ATP5PF: variants seen among roughly 807,000 people sequenced by gnomAD.
The protein encoded by ATP5PF is ATP synthase peripheral stalk subunit F6.
Under a neutral mutation model 12.0 loss-of-function variants are expected in ATP5PF, and 7 were observed. The observed-to-expected ratio is 0.58, with a 90% CI of 0.33 to 1.10. The LOEUF (loss-of-function observed/expected upper bound fraction) is 1.10. Ranked by LOEUF, ATP5PF falls within the 50% of genes least tolerant of loss-of-function variation. The pLI, the probability that ATP5PF is intolerant of heterozygous loss-of-function variation, is 0.03. For synonymous variants in ATP5PF, 41 were observed against 45.4 expected (o/e 0.90, Z 0.39); for missense variants, 120 against 127.7 (o/e 0.94, Z 0.29).
intron 1 of ATP5PF, among the ~76,000 whole-genome samples, chr21:25,733,004 A>G (rs1434713463): frequency 3.3e-5 from 5 of 151,118 alleles, no homozygotes; most frequent in Non-Finnish European, 7.4e-5. Flanking sequence ...AAAAAAAAAA[A>G]AAAAAAAAGA....
chr21:25,735,635 C>T (rs1041020543), upstream of ATP5PF: 10 of 152,304 alleles, frequency 6.6e-5, no homozygotes, highest in African/African-American at 2.4e-4. Context: ...CGGCCTCGTT[C>T]CGGGGCCTTT....
At chr21:25,725,179 C>A in intron 3 of ATP5PF, 47 bp downstream of exon 3, 1 of 1,569,660 alleles carries the variant, frequency 6.4e-7, no homozygotes, top group South Asian at 1.2e-5. Flanking sequence ...TGTAAATATT[C>A]TTCACTTATC....
Position 25,724,770 on chromosome 21 carries a change from A to AT in ATP5PF, c.290-94dup, listed in dbSNP as rs553760337. The stretch of plus-strand genomic sequence containing the variant: ...CAAGATTTAACTCATCAATTTTCTG[A>AT]TTTTTTTAGTAAACACTGTTTGTAA... On this transcript the variant is annotated intron_variant, in intron 3 of 3. Transcript: ENST00000284971. The AT allele has an allele frequency of 5.3e-4, 685 of 1,294,938 alleles. 6 individuals carry two copies. Among genetic ancestry groups the AT allele is most frequent in the Middle Eastern group, 4.5e-3 (24 of 5,316 alleles). 80.2% of individuals were successfully genotyped at this position (1,294,938 alleles called of 1,614,324 possible). A position where few individuals can be genotyped will look rare whatever the true frequency, so the allele number is the denominator to read the frequency against.
intron 2 of ATP5PF, among the ~76,000 whole-genome samples, chr21:25,728,729 A>T (rs2123445841): frequency 6.6e-6 from 1 of 152,360 alleles, no homozygotes; most frequent in African/African-American, 2.4e-5. Flanking sequence ...CTGCCTTCCA[A>T]GAAGCCTCTA....
rs747217889 is a variant in ATP5PF at position 25,724,635 on chromosome 21, T to G, written c.*5A>C. On this transcript the variant is annotated 3_prime_UTR_variant, in exon 4 of 4. Transcript: ENST00000284971. Reference sequence around the variant, plus strand: ...AAATTACCAGATTAATTTTACTTTATTTCTTCAGGCCTGGGGTTTTTCGAT... The same window carrying G: ...AAATTACCAGATTAATTTTACTTTAGTTCTTCAGGCCTGGGGTTTTTCGAT... 8.7e-6 allele frequency: 14 copies of G among 1,602,700 alleles called. No homozygotes were observed. The highest frequency in any genetic ancestry group is 1.4e-5 in the African/African-American group (1 of 74,056).
At chr21:25,725,060 T>A in intron 3 of ATP5PF, 166 bp downstream of exon 3, 1 of 888,622 alleles carries the variant, frequency 1.1e-6, no homozygotes, top group Non-Finnish European at 1.7e-6. Context: ...CCTATACTGC[T>A]CTTATTCTAA....
At chr21:25,732,112 G>A (rs1601090767) in intron 1 of ATP5PF, among the ~76,000 whole-genome samples, 2 of 152,280 alleles carry the variant, frequency 1.3e-5, no homozygotes, top group East Asian at 3.9e-4. Context: ...AAATAGGGTT[G>A]GGGGTGGGGG....
rs372728601 is a variant in ATP5PF, at chr21:25,724,586, C to T, written c.*54G>A. Reference sequence around the variant, plus strand: ...TGCATGTTTATTCTGAAACTTCTAACTAGTTGTACAACTAATCCGTGACAA... The same window carrying T: ...TGCATGTTTATTCTGAAACTTCTAATTAGTTGTACAACTAATCCGTGACAA... On this transcript the variant is annotated 3_prime_UTR_variant, in exon 4 of 4. Transcript: ENST00000284971. 1 of 1,558,242 alleles carries T rather than the reference C, an allele frequency of 6.4e-7. No homozygotes were observed. The highest frequency in any genetic ancestry group is 8.8e-7 in the Non-Finnish European group (1 of 1,137,940).
intron 1 of ATP5PF, among the ~76,000 whole-genome samples, chr21:25,733,512 G>A (rs1482231442): frequency 6.6e-6 from 1 of 151,870 alleles, no homozygotes; most frequent in Non-Finnish European, 1.5e-5. Context: ...GGGCGACAGA[G>A]CGAGACTCTG....
chr21:25,731,113 G>A (rs10854296), intron 1 of ATP5PF, among the ~76,000 whole-genome samples: 39,264 of 151,728 alleles, frequency 0.26, 6,044 homozygotes, highest in African/African-American at 0.43. Flanking sequence ...GTGCTAGCGC[G>A]TGCCTGTAAT....
At chr21:25,724,747 A>G in intron 3 of ATP5PF, 70 bp from the exon 4 acceptor site, 1 of 1,456,386 alleles carries the variant, frequency 6.9e-7, no homozygotes, top group African/African-American at 1.5e-5. Flanking sequence ...AGAATGCTCA[A>G]GATTTAACTC....
rs1219090743 is a variant in ATP5PF at position 25,730,736 on chromosome 21, C to CACA, written c.-7-936_-7-935insTGT. ...GCAACAAGAGCAAGACTCCGTCTCA[C>CACA]AAAAAAAAAAAAAAAAAAAAAAAAA... On this transcript the variant is annotated intron_variant, in intron 1 of 3. Coordinates refer to ENST00000284971, the MANE Select transcript of ATP5PF (RefSeq NM_001003703.2). Among the ~76,000 whole-genome samples the CACA allele has an allele frequency of 3.2e-3, 101 of 31,892 alleles. 9 individuals are homozygous for CACA. Among genetic ancestry groups the CACA allele is most frequent in the South Asian group, 0.016 (9 of 578 alleles). The allele number at this position is 31,892 out of a possible 152,430, so 20.9% of individuals were successfully genotyped here.
At position 25,729,739 on chromosome 21, in the gene ATP5PF, A is replaced by T; in HGVS notation, c.56T>A (p.Val19Asp). 1 of 1,613,962 alleles carries T rather than the reference A, an allele frequency of 6.2e-7. No homozygotes were observed. Among genetic ancestry groups the T allele is most frequent in the South Asian group, 1.1e-5 (1 of 91,064 alleles). The change falls in exon 2 of 4, where the codon GTC becomes GAC. Residue 19 changes from valine (V) to aspartate (D), a missense_variant. Transcript: ENST00000284971. ...AACACCAATGTTCCTCCGCAAATGG[A>T]CTGAGACGGCTGACCGAATGACAGA... ...FSSVIRSAVSVHLRRNIGVTA... is the reference protein window; with the variant it reads ...FSSVIRSAVSDHLRRNIGVTA...
At chr21:25,735,203 G>T, upstream of ATP5PF, 1 of 594,490 alleles carries the variant, frequency 1.7e-6, no homozygotes, top group Non-Finnish European at 3.0e-6. Flanking sequence ...CCTAGTTCAA[G>T]CTCCCCTCCG....
chr21:25,735,013 G>C, upstream of ATP5PF: 2 of 1,530,018 alleles, frequency 1.3e-6, no homozygotes, highest in East Asian at 2.4e-5. Flanking sequence ...CTCGGAGACA[G>C]TCTGCGACCG....
chr21:25,726,556 G>A (rs1408544964), intron 2 of ATP5PF, among the ~76,000 whole-genome samples: 1 of 152,198 alleles, frequency 6.6e-6, no homozygotes, highest in Non-Finnish European at 1.5e-5. Context: ...GAATGCTAAG[G>A]AGTCTAGATG....
rs1223134238 is a variant in ATP5PF, at chr21:25,724,511, A to G, written c.*129T>C. On this transcript the variant is annotated 3_prime_UTR_variant, in exon 4 of 4. Coordinates refer to ENST00000284971, the MANE Select transcript of ATP5PF (RefSeq NM_001003703.2). ...CATCAAGAACACACTCAACATCACC[A>G]AATAATTTATTTGGACTCAGAATTA... 7 of 1,080,006 alleles carry G rather than the reference A, an allele frequency of 6.5e-6. No homozygotes were observed. The highest frequency in any genetic ancestry group is 5.4e-6 in the Non-Finnish European group (4 of 745,318). The allele number at this position is 1,080,006 out of a possible 1,614,324, so 66.9% of individuals were successfully genotyped here. A position where few individuals can be genotyped will look rare whatever the true frequency, so the allele number is the denominator to read the frequency against.
intron 2 of ATP5PF, 130 bp from the exon 3 acceptor site, chr21:25,725,480 G>T (rs903564918): frequency 1.8e-6 from 2 of 1,095,066 alleles, no homozygotes; most frequent in African/African-American, 1.6e-5. Context: ...TTGCTTGGTC[G>T]CCAGGCTGGA....
intron 2 of ATP5PF, among the ~76,000 whole-genome samples, chr21:25,728,115 T>G (rs1439469150): frequency 2.6e-5 from 4 of 152,192 alleles, no homozygotes; most frequent in Admixed American, 2.6e-4. Context: ...ACCACTGCTA[T>G]AAAGTCAAGG....
Sources: allele counts gnomAD v4.1 joint callset (sites outside exome capture counted in the v4.1 genomes callset), GRCh38; gene constraint gnomAD v4.1.1; transcripts MANE v1.5; gene names NCBI Gene and HGNC (gene_info 2026-07-23, HGNC 2026-07-21).